NETO1: variants seen among roughly 807,000 people sequenced by gnomAD.
NETO1 encodes the protein neuropilin and tolloid-like protein 1.
NETO1 carries 26 observed loss-of-function variants against 61.3 expected under a neutral mutation model. The observed-to-expected ratio is 0.42, with a 90% CI of 0.31 to 0.59. The LOEUF is 0.59. NETO1 is among the 20% of genes least tolerant of loss of function. The pLI is 0.12. For missense variants in NETO1, 531 were observed against 662.8 expected (o/e 0.80, Z 2.18); for synonymous variants, 225 against 225.8 (o/e 1.00, Z 0.03).
At chr18:72,794,001 C>G in intron 6 of NETO1, 116 bp downstream of exon 6, 1 of 1,322,326 alleles carries the variant, frequency 7.6e-7, no homozygotes, top group Non-Finnish European at 1.1e-6. Flanking sequence ...GAAATCATAG[C>G]CTTTGATGGC....
At chr18:72,826,983 C>G (rs2073394996) in intron 4 of NETO1, among the ~76,000 whole-genome samples, 1 of 152,232 alleles carries the variant, frequency 6.6e-6, no homozygotes, top group East Asian at 1.9e-4. Context: ...GGATGCTGCA[C>G]TCCCACCGCC....
At chr18:72,765,785 T>C (rs117896307) in intron 7 of NETO1, among the ~76,000 whole-genome samples, 5,012 of 152,290 alleles carry the variant, frequency 0.033, 131 homozygotes, top group Middle Eastern at 0.1. Flanking sequence ...CTGACAATGA[T>C]CTTAAATTTT....
chr18:72,753,268 A>G (rs1201000237), intron 8 of NETO1, among the ~76,000 whole-genome samples: 4 of 151,986 alleles, frequency 2.6e-5, no homozygotes, highest in Non-Finnish European at 5.9e-5. Context: ...AACAGAGGAA[A>G]AAAAAAACTC....
chr18:72,757,778 G>A (rs2070831950), intron 7 of NETO1, among the ~76,000 whole-genome samples: 1 of 152,114 alleles, frequency 6.6e-6, no homozygotes, highest in Non-Finnish European at 1.5e-5. Context: ...TTCTGTAGCT[G>A]ACTATAATGG....
chr18:72,852,523 CTCTT>C (rs765789003), intron 4 of NETO1, among the ~76,000 whole-genome samples: 2 of 152,094 alleles, frequency 1.3e-5, no homozygotes, highest in Non-Finnish European at 2.9e-5. Context: ...CCGGAAGACA[CTCTT>C]TCTTTATGGG....
chr18:72,859,583 C>G (rs1426083403), intron 3 of NETO1, among the ~76,000 whole-genome samples: 1 of 152,146 alleles, frequency 6.6e-6, no homozygotes, highest in African/African-American at 2.4e-5. Context: ...CAAACCTGAT[C>G]ACATCCCTCT....
chr18:72,795,729 T>A (rs191575381), intron 4 of NETO1, among the ~76,000 whole-genome samples: 112 of 152,336 alleles, frequency 7.4e-4, no homozygotes, highest in Non-Finnish European at 8.8e-4. Context: ...TCTTACCACA[T>A]GTATCTATCA....
intron 4 of NETO1, among the ~76,000 whole-genome samples, chr18:72,805,858 G>A (rs1389986268): frequency 5.9e-5 from 9 of 151,824 alleles, no homozygotes; most frequent in Admixed American, 5.9e-4. Context: ...TTTGGCAGGG[G>A]AAAAATATGT....
chr18:72,837,660 T>G (rs1025438501), intron 4 of NETO1, among the ~76,000 whole-genome samples: 3 of 152,198 alleles, frequency 2.0e-5, no homozygotes, highest in Non-Finnish European at 4.4e-5. Flanking sequence ...TTTACTGAAC[T>G]TATCTCTATG....
chr18:72,752,626 G>A (rs1359513558), intron 8 of NETO1, among the ~76,000 whole-genome samples: 2 of 151,826 alleles, frequency 1.3e-5, no homozygotes, highest in Admixed American at 6.6e-5. Context: ...ACAGTAAAGC[G>A]AAGTGTATAT....
chr18:72,773,741 A>G (rs1021491190), intron 7 of NETO1, among the ~76,000 whole-genome samples: 4 of 152,122 alleles, frequency 2.6e-5, no homozygotes, highest in African/African-American at 9.7e-5. Flanking sequence ...AGGCCTCTCC[A>G]GCTATGTGTA....
intron 4 of NETO1, among the ~76,000 whole-genome samples, chr18:72,812,142 A>G (rs2072888354): frequency 6.6e-6 from 1 of 152,234 alleles, no homozygotes; most frequent in Non-Finnish European, 1.5e-5. Context: ...ACTGCATTAT[A>G]TGAAATAAGT....
intron 4 of NETO1, chr18:72,853,181 G>A (rs1205767103): frequency 1.3e-5 from 2 of 152,108 alleles, no homozygotes; most frequent in African/African-American, 4.8e-5. Context: ...TGATTTTCAA[G>A]TTTTTAAATT....
At chr18:72,863,519 T>C (rs2074644072) in intron 3 of NETO1, among the ~76,000 whole-genome samples, 1 of 152,234 alleles carries the variant, frequency 6.6e-6, no homozygotes, top group East Asian at 1.9e-4. Flanking sequence ...GAATTTGCAC[T>C]GCCAGACCTT....
intron 7 of NETO1, among the ~76,000 whole-genome samples, chr18:72,772,817 CTCTCTCTCTA>C (rs2071410198): frequency 1.8e-5 from 1 of 54,298 alleles, no homozygotes; most frequent in South Asian, 9.6e-4. Flanking sequence ...CTCTCTCTCT[CTCTCTCTCTA>C]TATATATATA....
At chr18:72,809,672 A>T (rs546312165) in intron 4 of NETO1, among the ~76,000 whole-genome samples, 79 of 152,370 alleles carry the variant, frequency 5.2e-4, no homozygotes, top group African/African-American at 1.9e-3. Context: ...TTTATTTACA[A>T]ATCAAATACT....
chr18:72,863,511 A>C (rs147622691), intron 3 of NETO1, among the ~76,000 whole-genome samples: 227 of 152,320 alleles, frequency 1.5e-3, no homozygotes, highest in African/African-American at 5.4e-3. Flanking sequence ...TGTAAAAGGA[A>C]TTTGCACTGC....
intron 4 of NETO1, among the ~76,000 whole-genome samples, chr18:72,829,502 T>C (rs1183666633): frequency 6.6e-6 from 1 of 152,168 alleles, no homozygotes; most frequent in Non-Finnish European, 1.5e-5. Context: ...TCTTAACAAC[T>C]TTACCTGGAC....
At chr18:72,860,953 G>A (rs1406691985) in intron 3 of NETO1, among the ~76,000 whole-genome samples, 1 of 152,148 alleles carries the variant, frequency 6.6e-6, no homozygotes, top group African/African-American at 2.4e-5. Context: ...GTTTTATGAT[G>A]AAACAAATTA....
Sources: allele counts gnomAD v4.1 joint callset (sites outside exome capture counted in the v4.1 genomes callset), GRCh38; gene constraint gnomAD v4.1.1; transcripts MANE v1.5; gene names NCBI Gene and HGNC (gene_info 2026-07-23, HGNC 2026-07-21).